Variants in NRXN3 observed in about 807,000 individuals in gnomAD.
The protein encoded by NRXN3 is neurexin III.
NRXN3 carries 32 observed loss-of-function variants against 137.6 expected under a neutral mutation model. The observed-to-expected ratio is 0.23, with a 90% confidence interval of 0.18 to 0.31. The LOEUF is 0.31. Ranked by LOEUF, NRXN3 falls within the 10% of genes least tolerant of loss-of-function variation. NRXN3 has a pLI of 1.00. For synonymous variants in NRXN3, 798 were observed against 784.5 expected, an observed-to-expected ratio of 1.02 and a Z score of -0.29; for missense variants, 1,574 against 2,062.5, an observed-to-expected ratio of 0.76 and a Z score of 4.59.
intron 15 of NRXN3, among the ~76,000 whole-genome samples, chr14:79,240,585 G>A (rs1376570638): frequency 6.6e-6 from 1 of 152,146 alleles, no homozygotes; most frequent in Non-Finnish European, 1.5e-5. Flanking sequence ...GGTGAGAAAA[G>A]AATAAACTCA....
intron 15 of NRXN3, among the ~76,000 whole-genome samples, chr14:79,022,342 T>C (rs2099591165): frequency 3.3e-5 from 5 of 152,132 alleles, no homozygotes; most frequent in Admixed American, 2.6e-4. Context: ...GCTTCCCAAT[T>C]CTTTTTTTTA....
intron 16 of NRXN3, among the ~76,000 whole-genome samples, chr14:79,482,307 T>G (rs2096616578): frequency 6.6e-6 from 1 of 152,216 alleles, no homozygotes; most frequent in Non-Finnish European, 1.5e-5. Context: ...AGATCAGGTC[T>G]CTTTCACTGT....
chr14:78,467,983 G>A (rs1256898873), intron 4 of NRXN3, among the ~76,000 whole-genome samples: 1 of 152,074 alleles, frequency 6.6e-6, no homozygotes, highest in Admixed American at 6.6e-5. Context: ...GAGCGCAGTG[G>A]CACGATCTTG....
rs74068623 is a variant in NRXN3 at position 79,430,692 on chromosome 14, G to A, written c.3263-36529G>A. ...AATTTTCTGCTCACTGCAATAGGAA[G>A]GTGATCCAGGTACCACATAACTGTC... On this transcript the variant is annotated intron_variant, in intron 15 of 20. Coordinates refer to ENST00000335750, the MANE Select transcript of NRXN3 (RefSeq NM_001330195.2). Among the ~76,000 whole-genome samples the A allele has an allele frequency of 0.011, 1,627 of 152,282 alleles. 95 individuals are homozygous for A. The East Asian group carries it at 0.17, about 16-fold the overall frequency.
intron 15 of NRXN3, among the ~76,000 whole-genome samples, chr14:79,099,049 T>G (rs1478986801): frequency 2.6e-5 from 4 of 152,146 alleles, no homozygotes; most frequent in African/African-American, 9.7e-5. Context: ...GGCTGACCCA[T>G]TTTCCTGAGC....
chr14:79,480,631 G>C (rs1034430578), intron 16 of NRXN3, among the ~76,000 whole-genome samples: 1 of 152,178 alleles, frequency 6.6e-6, no homozygotes, highest in South Asian at 2.1e-4. Context: ...GTTATGGCTT[G>C]GATCCGTGTC....
intron 10 of NRXN3, among the ~76,000 whole-genome samples, chr14:78,943,332 G>C (rs944571774): frequency 6.6e-6 from 1 of 151,912 alleles, no homozygotes; most frequent in African/African-American, 2.4e-5. Flanking sequence ...TTAGTAACCA[G>C]ATAGAACAGC....
intron 15 of NRXN3, among the ~76,000 whole-genome samples, chr14:79,389,333 C>G (rs1028569865): frequency 2.0e-5 from 3 of 152,144 alleles, no homozygotes; most frequent in African/African-American, 7.2e-5. Flanking sequence ...AGAGAGAGAA[C>G]AAAAGGTGTC....
At chr14:79,716,339 A>G (rs1389576967) in intron 19 of NRXN3, among the ~76,000 whole-genome samples, 1 of 152,244 alleles carries the variant, frequency 6.6e-6, no homozygotes, top group Non-Finnish European at 1.5e-5. Context: ...ATGAGGGACC[A>G]TACACATTGA....
intron 15 of NRXN3, among the ~76,000 whole-genome samples, chr14:79,124,003 A>G (rs953347553): frequency 5.9e-5 from 9 of 152,130 alleles, no homozygotes; most frequent in African/African-American, 2.2e-4. Context: ...ACTCCATCCC[A>G]TATCACACCA....
intron 4 of NRXN3, among the ~76,000 whole-genome samples, chr14:78,341,047 G>T (rs1471316058): frequency 6.6e-6 from 1 of 152,134 alleles, no homozygotes; most frequent in East Asian, 1.9e-4. Context: ...TGAAATGTTT[G>T]GAACATGCTT....
At chr14:79,592,109 G>C (rs1449338845) in intron 16 of NRXN3, among the ~76,000 whole-genome samples, 1 of 152,046 alleles carries the variant, frequency 6.6e-6, no homozygotes, top group Non-Finnish European at 1.5e-5. Context: ...AGCAACCACT[G>C]ATCTGATTTC....
chr14:78,511,760 T>C (rs931866523), intron 4 of NRXN3, among the ~76,000 whole-genome samples: 5 of 151,984 alleles, frequency 3.3e-5, no homozygotes, highest in Admixed American at 2.6e-4. Flanking sequence ...AATTACGGAG[T>C]GTTAGGCTTA....
intron 15 of NRXN3, among the ~76,000 whole-genome samples, chr14:79,107,264 AG>A (rs2152866471): frequency 6.6e-6 from 1 of 152,242 alleles, no homozygotes; most frequent in Non-Finnish European, 1.5e-5. Flanking sequence ...TACTTCCTAA[AG>A]CCAGTAGTGT....
intron 10 of NRXN3, among the ~76,000 whole-genome samples, chr14:78,937,664 A>G (rs951286644): frequency 6.6e-6 from 1 of 152,250 alleles, no homozygotes; most frequent in African/African-American, 2.4e-5. Flanking sequence ...TAGACTTTGA[A>G]ATGGAAGATA....
intron 1 of NRXN3, among the ~76,000 whole-genome samples, chr14:78,184,955 C>G (rs919196464): frequency 6.6e-5 from 10 of 152,180 alleles, no homozygotes; most frequent in African/African-American, 2.4e-4. Context: ...TTCTTCATCT[C>G]TGAGATGTAC....
At chr14:79,491,673 G>A (rs1778123796) in intron 16 of NRXN3, among the ~76,000 whole-genome samples, 1 of 152,048 alleles carries the variant, frequency 6.6e-6, no homozygotes, top group African/African-American at 2.4e-5. Flanking sequence ...GTGTGTGTGA[G>A]AGAAAGAGAG....
rs139184259 is a variant in NRXN3, at chr14:78,989,175, T to C, written c.3262+1034T>C. ...TTTTATAATCCAGACTCATTTGACCTCTTGGTTTTAGAAAAATGATGCATG... is the reference window on the plus strand; with the variant it reads ...TTTTATAATCCAGACTCATTTGACCCCTTGGTTTTAGAAAAATGATGCATG... On this transcript the variant is annotated intron_variant, in intron 15 of 20. Transcript: ENST00000335750. Among the ~76,000 whole-genome samples the C allele has an allele frequency of 2.1e-3, 320 of 152,342 alleles. 3 individuals are homozygous for C. Among genetic ancestry groups the C allele is most frequent in the South Asian group, 0.013 (64 of 4,828 alleles).
Position 79,390,071 on chromosome 14 carries a change from G to A in NRXN3, c.3263-77150G>A, listed in dbSNP as rs8009167. On this transcript the variant is annotated intron_variant, in intron 15 of 20. Coordinates refer to ENST00000335750, the MANE Select transcript of NRXN3 (RefSeq NM_001330195.2). The stretch of plus-strand genomic sequence containing the variant: ...GGTGGCTCACGCCTGTAATCCCAGC[G>A]CTTTGGGAGGCCGAGGCTGGTGGAT... Among the ~76,000 whole-genome samples the A allele has an allele frequency of 7.8e-3, 1,191 of 151,792 alleles. 17 individuals are homozygous for A. Among genetic ancestry groups the A allele is most frequent in the African/African-American group, 0.026 (1,081 of 41,410 alleles).
Sources: gnomAD v4.1 joint callset for allele counts (sites outside exome capture counted in the v4.1 genomes callset) on GRCh38, gnomAD v4.1.1 for gene constraint, MANE v1.5 for transcripts, NCBI Gene and HGNC (gene_info 2026-07-23, HGNC 2026-07-21) for gene names.